The following UTRN variants were observed in gnomAD, a reference collection of about 807,000 sequenced individuals.
UTRN encodes utrophin.
UTRN carries 283 observed loss-of-function variants against 463.9 expected under a neutral mutation model. That is an observed-to-expected ratio of 0.61 (90% CI 0.55 to 0.67). UTRN has a LOEUF of 0.67. Ranked by LOEUF, UTRN falls within the 30% of genes least tolerant of loss-of-function variation. The pLI, the probability that UTRN is intolerant of heterozygous loss-of-function variation, is 0.00. For synonymous variants in UTRN, 1,442 were observed against 1,431.5 expected (o/e 1.01, Z -0.17); for missense variants, 3,922 against 4,084.3 (o/e 0.96, Z 1.08).
chr6:144,370,618 G>T (rs1037800358), intron 2 of UTRN, among the ~76,000 whole-genome samples: 5 of 152,188 alleles, frequency 3.3e-5, no homozygotes, highest in Non-Finnish European at 1.5e-5. Flanking sequence ...ATGGAGCTGT[G>T]AGAAGAGGGC....
intron 3 of UTRN, among the ~76,000 whole-genome samples, chr6:144,413,452 G>A (rs571993568): frequency 4.0e-5 from 6 of 149,294 alleles, no homozygotes; most frequent in South Asian, 2.1e-4. Context: ...CTTGCATGGC[G>A]TCAGGCAAGA....
chr6:144,536,687 T>A (rs932925801), intron 43 of UTRN, among the ~76,000 whole-genome samples: 1 of 152,072 alleles, frequency 6.6e-6, no homozygotes, highest in Non-Finnish European at 1.5e-5. Context: ...ACAATACAAT[T>A]TATTTAAAAA....
Position 144,827,659 on chromosome 6 carries a change from A to G in UTRN, c.9582A>G (p.Ile3194Met). Residue 3194 changes from isoleucine (I) to methionine (M), a missense_variant, in exon 68 of 75, where the codon ATA (isoleucine) becomes ATG (methionine). Ile to Met is a conservative substitution (Grantham distance 10). Coordinates refer to ENST00000367545, the MANE Select transcript of UTRN (RefSeq NM_007124.3). ...TTCATGATGACACCCATTCAAGAAT[A>G]GAACAATATGCCACACGGTAAGAAA... is the stretch of plus-strand genomic sequence containing the variant. ...QLFHDDTHSR[I>M]EQYATRLAQM... 1 of 1,613,712 alleles carries G rather than the reference A, an allele frequency of 6.2e-7. No homozygotes were observed. Among genetic ancestry groups the G allele is most frequent in the Non-Finnish European group, 8.5e-7 (1 of 1,179,736 alleles).
intron 33 of UTRN, among the ~76,000 whole-genome samples, chr6:144,494,933 A>G (rs966016200): frequency 1.3e-5 from 2 of 152,036 alleles, no homozygotes; most frequent in African/African-American, 4.8e-5. Flanking sequence ...GGATTGGTGC[A>G]CTCACAAACC....
intron 51 of UTRN, among the ~76,000 whole-genome samples, chr6:144,635,537 T>TTC (rs1777074772): frequency 1.7e-5 from 1 of 57,472 alleles, no homozygotes; most frequent in Non-Finnish European, 3.6e-5. Flanking sequence ...TTTCTTTTCT[T>TTC]TTTTTTTTTT....
At chr6:144,750,553 G>A (rs1245192522) in intron 55 of UTRN, among the ~76,000 whole-genome samples, 1 of 152,078 alleles carries the variant, frequency 6.6e-6, no homozygotes, top group Non-Finnish European at 1.5e-5. Context: ...CTTAAAGAGT[G>A]GACAATGTAG....
intron 4 of UTRN, 53 bp from the exon 5 acceptor site, chr6:144,423,496 C>A: frequency 6.4e-7 from 1 of 1,553,064 alleles, no homozygotes; most frequent in South Asian, 1.1e-5. Context: ...TAGTGTTAGT[C>A]AGGCATATGG....
rs372460151 is a variant in UTRN, at chr6:144,723,224, G to A, written c.7810-7133G>A. On this transcript the variant is annotated intron_variant, in intron 53 of 74. Coordinates refer to ENST00000367545, the MANE Select transcript of UTRN (RefSeq NM_007124.3). ...CTGCAGACTGAAATACTTATTAATA[G>A]CACAGACTTAGTTTTACATCAAAAA... Among the ~76,000 whole-genome samples the A allele has an allele frequency of 2.0e-4, 30 of 152,264 alleles. No homozygotes were observed. The East Asian group carries it at 5.4e-3, about 27-fold the overall frequency.
In UTRN at chr6:144,514,777, A is replaced by G. The variant is rs1226027937; in HGVS notation, c.5201A>G (p.Asn1734Ser). 1.2e-6 allele frequency: 2 copies of G among 1,614,038 alleles called. No homozygotes were observed. The highest frequency in any genetic ancestry group is 1.7e-6 in the Non-Finnish European group (2 of 1,180,020). ...GTAGAACCAAAGTTAGCTGAGCTGA[A>G]TAGGAACTTTGAAAAGGTGTCTCAA... ...ELVEPKLAEL[N>S]RNFEKVSQHI... The change falls in exon 37 of 75, where the codon AAT (asparagine) becomes AGT (serine). Residue 1734 changes from asparagine (N) to serine (S), a missense_variant. By Grantham distance (46) the Asn-to-Ser change is conservative. This residue lies in a region of UTRN where 2,349 missense variants were observed against 2,303.8 expected (regional missense o/e 1.02). Transcript: ENST00000367545.
At chr6:144,332,373 T>A (rs987759597) in intron 2 of UTRN, among the ~76,000 whole-genome samples, 1 of 152,176 alleles carries the variant, frequency 6.6e-6, no homozygotes, top group African/African-American at 2.4e-5. Flanking sequence ...AATGAGTGAA[T>A]GAATGAATGA....
At chr6:144,400,179 G>T (rs1365850917) in intron 2 of UTRN, among the ~76,000 whole-genome samples, 3 of 152,148 alleles carry the variant, frequency 2.0e-5, no homozygotes. Context: ...GAGCTTGAAA[G>T]AATACATTTA....
intron 51 of UTRN, among the ~76,000 whole-genome samples, chr6:144,655,097 A>G (rs1262350791): frequency 6.6e-6 from 1 of 152,264 alleles, no homozygotes; most frequent in African/African-American, 2.4e-5. Flanking sequence ...TACTGAAGAG[A>G]CAAACATTAA....
intron 39 of UTRN, among the ~76,000 whole-genome samples, chr6:144,518,707 T>C (rs1795838177): frequency 1.3e-5 from 2 of 152,200 alleles, no homozygotes; most frequent in Non-Finnish European, 2.9e-5. Flanking sequence ...TCAGAAATTA[T>C]TACTGGCACA....
intron 72 of UTRN, among the ~76,000 whole-genome samples, chr6:144,840,239 C>A (rs1781449412): frequency 1.3e-5 from 2 of 151,922 alleles, no homozygotes; most frequent in African/African-American, 4.8e-5. Context: ...AATAAGAGAA[C>A]TATCTTGACT....
chr6:144,433,305 G>T (rs1157018468), intron 9 of UTRN, among the ~76,000 whole-genome samples: 8 of 148,480 alleles, frequency 5.4e-5, no homozygotes, highest in Non-Finnish European at 1.2e-4. Flanking sequence ...GCGGCTGGCC[G>T]GGTGGGGGGC....
At chr6:144,528,184 G>A (rs1329461003) in intron 41 of UTRN, among the ~76,000 whole-genome samples, 3 of 151,800 alleles carry the variant, frequency 2.0e-5, no homozygotes, top group Non-Finnish European at 4.4e-5. Flanking sequence ...TTCCAGACAC[G>A]CATCACCACA....
At chr6:144,443,625 TGAA>T (rs1490976528) in intron 13 of UTRN, among the ~76,000 whole-genome samples, 8 of 150,434 alleles carry the variant, frequency 5.3e-5, no homozygotes, top group East Asian at 3.9e-4. Context: ...AAAATAATCA[TGAA>T]GAGTGATTTT....
At chr6:144,614,500 G>T (rs776541864) in intron 51 of UTRN, among the ~76,000 whole-genome samples, 1 of 152,020 alleles carries the variant, frequency 6.6e-6, no homozygotes, top group Non-Finnish European at 1.5e-5. Flanking sequence ...GTACAAATTC[G>T]AAAATAATTG....
At chr6:144,529,509 A>T (rs1414609998) in intron 41 of UTRN, among the ~76,000 whole-genome samples, 1 of 151,966 alleles carries the variant, frequency 6.6e-6, no homozygotes, top group East Asian at 1.9e-4. Flanking sequence ...TTCTAAGTTT[A>T]ATGTTTGTAT....
Sources: allele counts gnomAD v4.1 joint callset (sites outside exome capture counted in the v4.1 genomes callset), GRCh38; gene constraint gnomAD v4.1.1; regional missense constraint gnomAD v4.1.1; transcripts MANE v1.5; gene names NCBI Gene and HGNC (gene_info 2026-07-23, HGNC 2026-07-21).